Variants in NEK7 observed in about 807,000 individuals in gnomAD.
NEK7 encodes the protein NIMA related kinase 7, also known as serine/threonine-protein kinase Nek7.
In NEK7, 18 loss-of-function variants were observed where a neutral mutation model predicts 44.6. The ratio of observed to expected loss-of-function variants is 0.40; its 90% confidence interval spans 0.28 to 0.60. NEK7 has a LOEUF of 0.60. Among genes scored for constraint, NEK7 ranks in the 20% least tolerant of loss-of-function variants. The pLI, the probability that NEK7 is intolerant of heterozygous loss-of-function variation, is 0.38. For synonymous variants in NEK7, 130 were observed against 121.1 expected (o/e 1.07, Z -0.48); for missense variants, 256 against 366.5 (o/e 0.70, Z 2.46).
At position 198,293,064 on chromosome 1, in the gene NEK7, A is replaced by C. The variant is rs574105316; in HGVS notation, c.684+25A>C. 8.6e-6 allele frequency: 10 copies of C among 1,168,616 alleles called. No homozygotes were observed. In the African/African-American group the frequency reaches 1.5e-4, roughly 18 times the overall value. 72.4% of individuals were successfully genotyped at this position (1,168,616 alleles called of 1,614,324 possible). ...GGTAGGTAATGTTGATAAATTCCAA[A>C]TATTGATGCAGTTTTACTTAGTATA... is the stretch of plus-strand genomic sequence containing the variant. On this transcript the variant is annotated intron_variant, in intron 8 of 9. Coordinates refer to ENST00000367385, the MANE Select transcript of NEK7 (RefSeq NM_133494.3).
At chr1:198,303,929 G>A (rs771572183) in intron 9 of NEK7, among the ~76,000 whole-genome samples, 3 of 151,934 alleles carry the variant, frequency 2.0e-5, no homozygotes, top group African/African-American at 4.8e-5. Flanking sequence ...TATCTCAAAC[G>A]CTATTAATAA....
At chr1:198,250,764 C>G (rs1490383639) in intron 2 of NEK7, among the ~76,000 whole-genome samples, 2 of 144,922 alleles carry the variant, frequency 1.4e-5, no homozygotes, top group African/African-American at 5.2e-5. Flanking sequence ...TGCTTATCAG[C>G]TTAAGGAGAT....
chr1:198,207,284 A>AT (rs1665625885), intron 1 of NEK7: 1 of 152,128 alleles, frequency 6.6e-6, no homozygotes, highest in Admixed American at 6.5e-5. Flanking sequence ...ATTTCTTGTT[A>AT]TGCCAAATAA....
intron 9 of NEK7, among the ~76,000 whole-genome samples, chr1:198,308,228 T>C (rs1264976187): frequency 6.6e-6 from 1 of 152,150 alleles, no homozygotes; most frequent in African/African-American, 2.4e-5. Context: ...AAAATAATTG[T>C]TTAATATAGG....
At chr1:198,268,084 T>C (rs1369689866) in intron 5 of NEK7, among the ~76,000 whole-genome samples, 1 of 152,000 alleles carries the variant, frequency 6.6e-6, no homozygotes, top group Admixed American at 6.6e-5. Flanking sequence ...TCATTTTTCT[T>C]AACTGACTCA....
chr1:198,231,301 G>GTATA (rs749263549), intron 1 of NEK7, among the ~76,000 whole-genome samples: 981 of 86,872 alleles, frequency 0.011, 7 homozygotes, highest in Middle Eastern at 0.017. Flanking sequence ...ATGTGTGTGT[G>GTATA]TATATATATA....
intron 1 of NEK7, among the ~76,000 whole-genome samples, chr1:198,167,050 T>C (rs1664288876): frequency 6.6e-6 from 1 of 152,194 alleles, no homozygotes; most frequent in Admixed American, 6.5e-5. Flanking sequence ...AAGTCAGAAG[T>C]CAGGGTGTTG....
At chr1:198,256,035 A>G (rs1377696230) in intron 3 of NEK7, among the ~76,000 whole-genome samples, 2 of 152,094 alleles carry the variant, frequency 1.3e-5, no homozygotes, top group African/African-American at 2.4e-5. Context: ...AAAAAACCCT[A>G]AAGAATTAAA....
chr1:198,220,143 C>T (rs145054557), intron 1 of NEK7, among the ~76,000 whole-genome samples: 3 of 152,104 alleles, frequency 2.0e-5, no homozygotes, highest in African/African-American at 7.2e-5. Context: ...GTTATTAACT[C>T]ATAGGTTCTT....
rs537347028 is a variant in NEK7 at position 198,238,201 on chromosome 1, C to T, written c.57+5564C>T. ...TTCAGTTGGAACACACTTCTCCCCC[C>T]CAGGACACTGCTTCCCCTGTAACCC... On this transcript the variant is annotated intron_variant, in intron 2 of 9. Transcript: ENST00000367385. Among the ~76,000 whole-genome samples the T allele has an allele frequency of 4.5e-4, 69 of 152,282 alleles. 1 individual carries two copies. Among genetic ancestry groups the T allele is most frequent in the African/African-American group, 1.6e-3 (67 of 41,556 alleles).
At chr1:198,309,793 A>T (rs547313895) in intron 9 of NEK7, among the ~76,000 whole-genome samples, 59 of 152,288 alleles carry the variant, frequency 3.9e-4, no homozygotes, top group Admixed American at 1.1e-3. Context: ...TTATGGCTGC[A>T]TAGTATTCCA....
At chr1:198,178,991 C>A (rs1412161842) in intron 1 of NEK7, among the ~76,000 whole-genome samples, 1 of 119,678 alleles carries the variant, frequency 8.4e-6, no homozygotes, top group Non-Finnish European at 1.7e-5. Context: ...CCATTTGATA[C>A]CCCCCCCCTT....
intron 1 of NEK7, among the ~76,000 whole-genome samples, chr1:198,169,227 A>T (rs1049159162): frequency 2.0e-5 from 3 of 152,324 alleles, no homozygotes; most frequent in African/African-American, 7.2e-5. Context: ...TCAATTTTTC[A>T]GTCATTAGAA....
At chr1:198,280,315 T>A (rs1379837418) in intron 7 of NEK7, among the ~76,000 whole-genome samples, 2 of 152,062 alleles carry the variant, frequency 1.3e-5, no homozygotes, top group East Asian at 1.9e-4. Flanking sequence ...ATATTACTCA[T>A]CTGAATAGAA....
chr1:198,270,516 G>C (rs771226673), intron 5 of NEK7, among the ~76,000 whole-genome samples: 1 of 151,868 alleles, frequency 6.6e-6, no homozygotes, highest in Non-Finnish European at 1.5e-5. Flanking sequence ...AATTTAAATG[G>C]ATGTCTGTTT....
intron 1 of NEK7, among the ~76,000 whole-genome samples, chr1:198,182,769 C>CT (rs1356618538): frequency 6.6e-6 from 1 of 152,016 alleles, no homozygotes; most frequent in Non-Finnish European, 1.5e-5. Flanking sequence ...TTGTTGTACT[C>CT]TGAGAAGGCT....
At chr1:198,312,683 C>A (rs1221493887) in intron 9 of NEK7, among the ~76,000 whole-genome samples, 1 of 151,660 alleles carries the variant, frequency 6.6e-6, no homozygotes, top group African/African-American at 2.4e-5. Context: ...TTTCTGCCTT[C>A]ATTTCGTTAT....
intron 2 of NEK7, among the ~76,000 whole-genome samples, chr1:198,233,064 G>C (rs1392280270): frequency 6.6e-6 from 1 of 150,706 alleles, no homozygotes; most frequent in African/African-American, 2.4e-5. Context: ...AGCTCTGAGC[G>C]TTAGTATTAG....
At chr1:198,202,932 G>GA (rs957735635) in intron 1 of NEK7, among the ~76,000 whole-genome samples, 3 of 151,824 alleles carry the variant, frequency 2.0e-5, no homozygotes, top group Admixed American at 2.0e-4. Context: ...GAAGGCTGGA[G>GA]AAAAAAATGG....
Sources: allele counts gnomAD v4.1 joint callset (sites outside exome capture counted in the v4.1 genomes callset), GRCh38; gene constraint gnomAD v4.1.1; transcripts MANE v1.5; gene names NCBI Gene and HGNC (gene_info 2026-07-23, HGNC 2026-07-21).